Variants in SMOC2 observed in about 807,000 individuals in gnomAD.
SMOC2 encodes SPARC related modular calcium binding 2.
Under a neutral mutation model 61.4 loss-of-function variants are expected in SMOC2, and 39 were observed. That is an observed-to-expected ratio of 0.64 (90% CI 0.49 to 0.83). The LOEUF (loss-of-function observed/expected upper bound fraction) is 0.83. Ranked by LOEUF, SMOC2 falls within the 40% of genes least tolerant of loss-of-function variation. The pLI is 0.00. For missense variants in SMOC2, 556 were observed against 592.9 expected (o/e 0.94, Z 0.65); for synonymous variants, 247 against 239.9 (o/e 1.03, Z -0.27).
intron 10 of SMOC2, among the ~76,000 whole-genome samples, chr6:168,652,385 A>C (rs1787218141): frequency 6.6e-6 from 1 of 152,198 alleles, no homozygotes. Context: ...GCGCACACAC[A>C]CACCCTCCAT....
chr6:168,659,586 G>A (rs1196567446), intron 11 of SMOC2, among the ~76,000 whole-genome samples: 4 of 150,098 alleles, frequency 2.7e-5, no homozygotes, highest in Non-Finnish European at 4.5e-5. Flanking sequence ...CAGGGTGGAG[G>A]TTGTAGGTTG....
chr6:168,601,244 T>C (rs187273619), intron 8 of SMOC2, among the ~76,000 whole-genome samples: 6 of 152,350 alleles, frequency 3.9e-5, no homozygotes, highest in African/African-American at 1.4e-4. Flanking sequence ...TCTGGCCCGC[T>C]GGGAGTCCTG....
At chr6:168,469,032 C>T (rs1163002234) in intron 1 of SMOC2, among the ~76,000 whole-genome samples, 2 of 152,242 alleles carry the variant, frequency 1.3e-5, no homozygotes, top group Non-Finnish European at 2.9e-5. Flanking sequence ...GCAGGTCTGG[C>T]TAACCTTGGC....
Position 168,441,471 on chromosome 6 carries a change from G to A in SMOC2, c.84+17G>A. ...GCGCTCACGGTAAGCCCGGGCCCGC[G>A]GGACCTGGAGCTCAAGTGGTGCCGC... On this transcript the variant is annotated intron_variant, in intron 1 of 12. Coordinates refer to ENST00000356284, the MANE Select transcript of SMOC2 (RefSeq NM_001166412.2). The A allele has an allele frequency of 2.7e-6, 4 of 1,487,912 alleles. No individual in the cohort carries two copies. The highest frequency in any genetic ancestry group is 2.3e-5 in the Admixed American group (1 of 43,692). 92.2% of individuals were successfully genotyped at this position (1,487,912 alleles called of 1,614,324 possible). A position where few individuals can be genotyped will look rare whatever the true frequency, so the allele number is the denominator to read the frequency against.
At chr6:168,510,275 A>G (rs1782975631) in intron 2 of SMOC2, among the ~76,000 whole-genome samples, 189 bp downstream of exon 2, 2 of 152,198 alleles carry the variant, frequency 1.3e-5, no homozygotes, top group South Asian at 4.1e-4. Context: ...TTACTTGTCT[A>G]ATATTCTTTT....
intron 7 of SMOC2, among the ~76,000 whole-genome samples, chr6:168,558,988 T>A (rs1784325526): frequency 6.6e-6 from 1 of 152,256 alleles, no homozygotes; most frequent in African/African-American, 2.4e-5. Flanking sequence ...CACACATGCA[T>A]GTTTACTGTA....
chr6:168,492,043 C>G (rs1429091949), intron 1 of SMOC2, among the ~76,000 whole-genome samples: 1 of 152,192 alleles, frequency 6.6e-6, no homozygotes, highest in Non-Finnish European at 1.5e-5. Context: ...CTCAGTCTTA[C>G]TGGTCTGCAT....
Position 168,475,899 on chromosome 6 carries a change from A to T in SMOC2, c.85-34016A>T, listed in dbSNP as rs1782070516. Among the ~76,000 whole-genome samples, 1 of 151,832 alleles carries T rather than the reference A, an allele frequency of 6.6e-6. No homozygotes were observed. The highest frequency in any genetic ancestry group is 1.5e-5 in the Non-Finnish European group (1 of 67,932). ...GGGCTTCACGGGGGTCTGTGTCGTT[A>T]ACTGAGGGGCAGGCAGGAGCAGGTG... On this transcript the variant is annotated intron_variant, in intron 1 of 12. Transcript: ENST00000356284. This position sits in a 1 kb window ranked among gnomAD's most constrained non-coding sequence, Gnocchi z 4.6.
At chr6:168,469,498 G>A (rs1781921319) in intron 1 of SMOC2, among the ~76,000 whole-genome samples, 1 of 152,170 alleles carries the variant, frequency 6.6e-6, no homozygotes, top group African/African-American at 2.4e-5. Context: ...GAATTCAGAG[G>A]GTCAGGGTTT....
rs1433289783 is a variant in SMOC2 at position 168,543,186 on chromosome 6, G to A, written c.464-439G>A. 2.6e-5 allele frequency among the ~76,000 whole-genome samples: 4 copies of A among 152,230 alleles called. No individual in the cohort carries two copies. The South Asian group carries it at 8.3e-4, about 32-fold the overall frequency. On this transcript the variant is annotated intron_variant, in intron 4 of 12. Transcript: ENST00000356284. ...ATACTCTACCAAAAGGTAGTTCCTC[G>A]CCATTCTCCTCTATAAATCAGAATC...
chr6:168,536,916 G>A (rs994695540), intron 4 of SMOC2, among the ~76,000 whole-genome samples: 11 of 152,218 alleles, frequency 7.2e-5, no homozygotes, highest in Non-Finnish European at 1.3e-4. Context: ...CAGGTGTTGT[G>A]TGTGTCTGAA....
intron 1 of SMOC2, among the ~76,000 whole-genome samples, chr6:168,480,716 A>G (rs1236737320): frequency 6.6e-6 from 1 of 152,204 alleles, no homozygotes; most frequent in Non-Finnish European, 1.5e-5. Flanking sequence ...TTGAAGAAAC[A>G]TGAATATAAA....
chr6:168,639,645 T>G (rs1300253387), intron 9 of SMOC2, among the ~76,000 whole-genome samples: 1 of 152,250 alleles, frequency 6.6e-6, no homozygotes, highest in Non-Finnish European at 1.5e-5. Context: ...TCATTGAAAA[T>G]GAGGAACTGT....
chr6:168,649,211 G>A (rs997995231), intron 9 of SMOC2, among the ~76,000 whole-genome samples: 2 of 152,212 alleles, frequency 1.3e-5, no homozygotes, highest in Non-Finnish European at 2.9e-5. Flanking sequence ...CTTACTGAGT[G>A]GGCTCCTGAG....
At position 168,508,788 on chromosome 6, in the gene SMOC2, G is replaced by A. The variant is rs114041841; in HGVS notation, c.85-1127G>A. Among the ~76,000 whole-genome samples, 682 of 152,312 alleles carry A rather than the reference G, an allele frequency of 4.5e-3. 2 individuals carry two copies. Among genetic ancestry groups the A allele is most frequent in the African/African-American group, 0.015 (629 of 41,566 alleles). On this transcript the variant is annotated intron_variant, in intron 1 of 12. Transcript: ENST00000356284. ...AACAATGCCACATAGCCCCGCTCAC[G>A]TGCACACCACGTCCAGAGGGCCACG... is the stretch of plus-strand genomic sequence containing the variant.
At position 168,599,194 on chromosome 6, in the gene SMOC2, TACC is replaced by T. The variant is rs1785423491; in HGVS notation, c.824+193_824+195del. Among the ~76,000 whole-genome samples the T allele has an allele frequency of 5.3e-5, 5 of 94,008 alleles. No individual in the cohort carries two copies. In the South Asian group the frequency reaches 1.8e-3, roughly 35 times the overall value. The allele number at this position is 94,008 out of a possible 152,430, so 61.7% of individuals were successfully genotyped here. ...TCTCACACACACCCACACACACTCATACCACACACACACTCATACCCACACACA... is the reference window on the plus strand; with the variant it reads ...TCTCACACACACCCACACACACTCATACACACACACTCATACCCACACACA... On this transcript the variant is annotated intron_variant, in intron 8 of 12. Transcript: ENST00000356284.
intron 9 of SMOC2, among the ~76,000 whole-genome samples, chr6:168,622,976 C>G (rs62423366): frequency 0.17 from 26,322 of 152,158 alleles, 2,437 homozygotes; most frequent in Middle Eastern, 0.3. Context: ...TTAGTGCACA[C>G]TGGGAAGGGC....
intron 11 of SMOC2, among the ~76,000 whole-genome samples, chr6:168,656,130 CTTTTATTTGTT>C (rs1562408215): frequency 6.6e-6 from 1 of 152,186 alleles, no homozygotes; most frequent in Non-Finnish European, 1.5e-5. Context: ...GTTTATGACT[CTTTTATTTGTT>C]GTCAACTCGA....
intron 9 of SMOC2, among the ~76,000 whole-genome samples, chr6:168,614,319 GCCTCTTCATACCTACAGCCAGCACAGGA>G (rs1343731841): frequency 4.2e-4 from 31 of 73,420 alleles, no homozygotes; most frequent in African/African-American, 5.5e-4. Flanking sequence ...CCAGCACAGG[GCCTCTTCATACCTACAGCCAGCACAGGA>G]CCTCTTCATA....
Sources: gnomAD v4.1 joint callset for allele counts (sites outside exome capture counted in the v4.1 genomes callset) on GRCh38, gnomAD v4.1.1 for gene constraint, Gnocchi (gnomAD v3.1) non-coding constraint, MANE v1.5 for transcripts, NCBI Gene and HGNC (gene_info 2026-07-23, HGNC 2026-07-21) for gene names.